Variants in EFCAB6 observed in about 807,000 individuals in gnomAD.
EFCAB6 encodes the protein EF-hand calcium-binding domain-containing protein 6.
EFCAB6 carries 156 observed loss-of-function variants against 169.8 expected under a neutral mutation model. That is an observed-to-expected ratio of 0.92 (90% confidence interval 0.81 to 1.05). The LOEUF (loss-of-function observed/expected upper bound fraction) is 1.05. Ranked by LOEUF, EFCAB6 falls within the 50% of genes least tolerant of loss-of-function variation. EFCAB6 has a pLI of 0.00. For synonymous variants in EFCAB6, 698 were observed against 676.4 expected, an observed-to-expected ratio of 1.03 and a Z score of -0.50; for missense variants, 1,800 against 1,829.1, an observed-to-expected ratio of 0.98 and a Z score of 0.29.
intron 10 of EFCAB6, among the ~76,000 whole-genome samples, chr22:43,691,526 A>C (rs2058412843): frequency 6.6e-6 from 1 of 152,158 alleles, no homozygotes; most frequent in South Asian, 2.1e-4. Context: ...GCATGCGCTT[A>C]TCTGGTACTT....
At chr22:43,665,459 T>C (rs1213632619) in intron 17 of EFCAB6, among the ~76,000 whole-genome samples, 1 of 152,198 alleles carries the variant, frequency 6.6e-6, no homozygotes, top group Non-Finnish European at 1.5e-5. Context: ...CTAGGGATTA[T>C]TAGTTTCCCG....
At chr22:43,687,656 A>T (rs982351876) in intron 10 of EFCAB6, 75 bp from the exon 11 acceptor site, 5 of 792,098 alleles carry the variant, frequency 6.3e-6, no homozygotes, top group Non-Finnish European at 9.8e-6. Context: ...TAGGTACTTA[A>T]TGTTGAATTG....
intron 17 of EFCAB6, among the ~76,000 whole-genome samples, chr22:43,646,698 C>G (rs892863263): frequency 1.3e-5 from 2 of 152,142 alleles, no homozygotes; most frequent in African/African-American, 2.4e-5. Flanking sequence ...AAAATAAATT[C>G]TCTGATAAAA....
chr22:43,747,600 T>G (rs1046166718), intron 6 of EFCAB6, among the ~76,000 whole-genome samples: 42 of 152,238 alleles, frequency 2.8e-4, no homozygotes, highest in Non-Finnish European at 5.9e-4. Context: ...AGTGCCTACG[T>G]CCTCCCCGTT....
At chr22:43,589,944 A>G in intron 24 of EFCAB6, 130 bp downstream of exon 24, 1 of 1,231,840 alleles carries the variant, frequency 8.1e-7, no homozygotes, top group South Asian at 1.6e-5. Context: ...GTAACCCAGC[A>G]AACAGGAAGA....
intron 17 of EFCAB6, among the ~76,000 whole-genome samples, chr22:43,659,598 T>C (rs568660269): frequency 1.3e-5 from 2 of 152,102 alleles, no homozygotes; most frequent in African/African-American, 4.8e-5. Flanking sequence ...AGGTCGAGGC[T>C]GCAGTGAGCC....
At chr22:43,765,105 A>T (rs1261885180) in intron 5 of EFCAB6, among the ~76,000 whole-genome samples, 200 bp downstream of exon 5, 1 of 152,194 alleles carries the variant, frequency 6.6e-6, no homozygotes, top group Non-Finnish European at 1.5e-5. Flanking sequence ...CTTGTTTTGA[A>T]ATACATCCTA....
chr22:43,720,454 G>C (rs2059483078), intron 8 of EFCAB6, among the ~76,000 whole-genome samples: 1 of 152,112 alleles, frequency 6.6e-6, no homozygotes, highest in African/African-American at 2.4e-5. Context: ...CAAGGCTGCA[G>C]TGAGCTATGA....
intron 5 of EFCAB6, among the ~76,000 whole-genome samples, chr22:43,758,763 T>C (rs965089236): frequency 6.6e-6 from 1 of 152,228 alleles, no homozygotes; most frequent in Non-Finnish European, 1.5e-5. Context: ...AGATTAACTG[T>C]CTCAGTTTTT....
intron 25 of EFCAB6, among the ~76,000 whole-genome samples, chr22:43,578,113 G>A (rs1012855871): frequency 2.5e-4 from 38 of 152,098 alleles, no homozygotes; most frequent in Non-Finnish European, 4.7e-4. Flanking sequence ...GAAGGGCTGC[G>A]ACAAGTCCAT....
rs190207272 is a variant in EFCAB6, at chr22:43,551,425, G to C, written c.3648+3444C>G. 5.2e-3 allele frequency among the ~76,000 whole-genome samples: 789 copies of C among 152,340 alleles called. 4 individuals are homozygous for C. The highest frequency in any genetic ancestry group is 0.041 in the Middle Eastern group (12 of 294). On this transcript the variant is annotated intron_variant, in intron 27 of 31. Transcript: ENST00000262726. ...GCAAAGACCGCAATTACTTTAGCACGAACCTAATATTCGTGCCAGAGTTTG... is the reference window on the plus strand; with the variant it reads ...GCAAAGACCGCAATTACTTTAGCACCAACCTAATATTCGTGCCAGAGTTTG...
intron 4 of EFCAB6, among the ~76,000 whole-genome samples, chr22:43,767,096 G>C (rs2061345657): frequency 6.6e-6 from 1 of 152,082 alleles, no homozygotes; most frequent in Non-Finnish European, 1.5e-5. Context: ...ATTTCATCAA[G>C]CTTCACACAA....
At chr22:43,536,367 C>T (rs936104450) in intron 29 of EFCAB6, 4 of 152,156 alleles carry the variant, frequency 2.6e-5, no homozygotes, top group African/African-American at 9.7e-5. Flanking sequence ...CACCTGGTTT[C>T]ATTTGTGCAT....
intron 23 of EFCAB6, among the ~76,000 whole-genome samples, chr22:43,599,289 C>A (rs1051547810): frequency 1.3e-5 from 2 of 151,868 alleles, no homozygotes; most frequent in Admixed American, 6.6e-5. Context: ...GCAGGTGGAT[C>A]GCTTGAGGTC....
intron 21 of EFCAB6, among the ~76,000 whole-genome samples, chr22:43,610,443 C>A (rs1015303986): frequency 6.6e-6 from 1 of 152,154 alleles, no homozygotes; most frequent in Non-Finnish European, 1.5e-5. Context: ...TCACTAATAA[C>A]AAACAAAATG....
chr22:43,629,167 G>C (rs1458397160), intron 19 of EFCAB6, among the ~76,000 whole-genome samples: 1 of 152,132 alleles, frequency 6.6e-6, no homozygotes, highest in Non-Finnish European at 1.5e-5. Flanking sequence ...TGGACTCCAG[G>C]GACAAGCTAG....
chr22:43,715,193 C>T (rs954484738), intron 9 of EFCAB6, among the ~76,000 whole-genome samples: 7 of 152,112 alleles, frequency 4.6e-5, no homozygotes, highest in South Asian at 4.1e-4. Context: ...ATAAGTCTTG[C>T]GGGAAGGAAA....
chr22:43,552,360 C>T (rs1383278061), intron 27 of EFCAB6: 4 of 152,202 alleles, frequency 2.6e-5, no homozygotes, highest in Admixed American at 2.0e-4. Context: ...GCCTCTAGGT[C>T]TTTGAGAAAT....
At chr22:43,575,945 T>A (rs1311173705) in intron 26 of EFCAB6, among the ~76,000 whole-genome samples, 1 of 152,322 alleles carries the variant, frequency 6.6e-6, no homozygotes, top group East Asian at 1.9e-4. Flanking sequence ...GCTGTTATTA[T>A]TAACCTGAAA....
Sources: gnomAD v4.1 joint callset for allele counts (sites outside exome capture counted in the v4.1 genomes callset) on GRCh38, gnomAD v4.1.1 for gene constraint, MANE v1.5 for transcripts, NCBI Gene and HGNC (gene_info 2026-07-23, HGNC 2026-07-21) for gene names.